ADPRS: variants seen among roughly 807,000 people sequenced by gnomAD.
ADPRS encodes ADP-ribosylserine hydrolase.
Under a neutral mutation model 32.1 loss-of-function variants are expected in ADPRS, and 25 were observed. The observed-to-expected ratio is 0.78, with a 90% CI of 0.57 to 1.09. The LOEUF is 1.09. Among genes scored for constraint, ADPRS ranks in the 50% least tolerant of loss-of-function variants. The pLI is 0.00. For missense variants in ADPRS, 482 were observed against 480.6 expected (o/e 1.00, Z -0.03); for synonymous variants, 225 against 201.0 (o/e 1.12, Z -1.01).
chr1:36,092,490 C>G lies in ADPRS; in HGVS notation c.770C>G (p.Ser257Trp). 1.2e-6 allele frequency: 2 copies of G among 1,614,156 alleles called. No homozygotes were observed. Among genetic ancestry groups the G allele is most frequent in the South Asian group, 2.2e-5 (2 of 91,076 alleles). ...ATTGGAGAGCTTCTAGACCAGGCAT[C>G]GGTGACCAGGGAGGAAGTGGTGTCT... is the stretch of plus-strand genomic sequence containing the variant. Reference protein sequence around the residue: ...KKIGELLDQASVTREEVVSEL... With the variant: ...KKIGELLDQAWVTREEVVSEL... Residue 257 changes from serine (S) to tryptophan (W), a missense_variant, in exon 5 of 6, where the codon TCG becomes TGG. By Grantham distance (177) the Ser-to-Trp change is radical. Coordinates refer to ENST00000373178, the MANE Select transcript of ADPRS (RefSeq NM_017825.3).
At position 36,093,906 on chromosome 1, in the gene ADPRS, G is replaced by A. The variant is rs376234523; in HGVS notation, c.*520G>A. 23 of 158,720 alleles carry A rather than the reference G, an allele frequency of 1.4e-4. 1 individual carries two copies. In the East Asian group the frequency reaches 1.5e-3, roughly 10 times the overall value. 9.8% of individuals were successfully genotyped at this position (158,720 alleles called of 1,614,324 possible). A position where few individuals can be genotyped will look rare whatever the true frequency, so the allele number is the denominator to read the frequency against. On this transcript the variant is annotated 3_prime_UTR_variant, in exon 6 of 6. Transcript: ENST00000373178. ...TTATTAACAGCTTCCAGTGGAAGTC[G>A]CAATAAACAGTTTTTGGTAAATCTC...
chr1:36,093,658 T>G lies in ADPRS; in HGVS notation c.*272T>G. ...GGACAGACAGACGCAGGCGGGTTTA[T>G]TTTGGAGGGGTACTTGTGGCATTTT... On this transcript the variant is annotated 3_prime_UTR_variant, in exon 6 of 6. Coordinates refer to ENST00000373178, the MANE Select transcript of ADPRS (RefSeq NM_017825.3). 1 of 449,734 alleles carries G rather than the reference T, an allele frequency of 2.2e-6. No individual in the cohort carries two copies. Among genetic ancestry groups the G allele is most frequent in the Non-Finnish European group, 4.0e-6 (1 of 249,326 alleles). 27.9% of individuals were successfully genotyped at this position (449,734 alleles called of 1,614,324 possible). A position where few individuals can be genotyped will look rare whatever the true frequency, so the allele number is the denominator to read the frequency against.
Position 36,089,089 on chromosome 1 carries a change from C to T in ADPRS, c.185C>T (p.Pro62Leu), listed in dbSNP as rs1421984340. ...LRHVQSLEPD[P>L]GTPGSERTEA... The stretch of plus-strand genomic sequence containing the variant: ...CATGTCCAGAGTCTGGAGCCGGACC[C>T]CGGCACGCCCGGGAGTGAGCGGACA... Residue 62 changes from proline (P) to leucine (L), a missense_variant, in exon 1 of 6, where the codon CCC becomes CTC. Coordinates refer to ENST00000373178, the MANE Select transcript of ADPRS (RefSeq NM_017825.3). 3.5e-6 allele frequency: 5 copies of T among 1,430,836 alleles called. No individual in the cohort carries two copies. The highest frequency in any genetic ancestry group is 3.2e-5 in the Admixed American group (1 of 31,668). 88.6% of individuals were successfully genotyped at this position (1,430,836 alleles called of 1,614,324 possible). A position where few individuals can be genotyped will look rare whatever the true frequency, so the allele number is the denominator to read the frequency against.
intron 1 of ADPRS, 48 bp from the exon 2 acceptor site, chr1:36,091,196 A>G (rs1413456478): frequency 6.4e-7 from 1 of 1,554,336 alleles, no homozygotes; most frequent in African/African-American, 1.4e-5. Context: ...AACAACAAAA[A>G]AAACAAAGGT....
chr1:36,091,675 T>A lies in ADPRS; in HGVS notation c.366T>A (p.Thr122=), dbSNP rs141349156. The part of the protein sequence containing the change: ...PDRGYGAGVV[T]VFKKLLNPKC... ...GGGGCTATGGTGCTGGAGTAGTCAC[T>A]GTCTTCAAGAAGCTCCTGAACCCCA... The change falls in exon 3 of 6, where the codon ACT becomes ACA. Residue 122 remains threonine, a synonymous_variant. Transcript: ENST00000373178. 6 of 1,613,620 alleles carry A rather than the reference T, an allele frequency of 3.7e-6. No individual in the cohort carries two copies. Among genetic ancestry groups the A allele is most frequent in the Non-Finnish European group, 5.1e-6 (6 of 1,179,850 alleles).
rs1220510286 is a variant in ADPRS at position 36,093,406 on chromosome 1, G to T, written c.*20G>T. 2 of 1,598,572 alleles carry T rather than the reference G, an allele frequency of 1.3e-6. No homozygotes were observed. The highest frequency in any genetic ancestry group is 1.7e-6 in the Non-Finnish European group (2 of 1,169,868). ...AGTTGATGAGGGCTACAGCTGTTGG[G>T]GCTCTGCCAGGTCCCCTGGGACCAA... On this transcript the variant is annotated 3_prime_UTR_variant, in exon 6 of 6. Transcript: ENST00000373178.
At position 36,093,913 on chromosome 1, in the gene ADPRS, A is replaced by G; in HGVS notation, c.*527A>G. 6.3e-6 allele frequency: 1 copy of G among 158,648 alleles called. No individual in the cohort carries two copies. The highest frequency in any genetic ancestry group is 1.4e-5 in the Non-Finnish European group (1 of 71,518). 9.8% of individuals were successfully genotyped at this position (158,648 alleles called of 1,614,324 possible). On this transcript the variant is annotated 3_prime_UTR_variant, in exon 6 of 6. Transcript: ENST00000373178. ...CAGCTTCCAGTGGAAGTCGCAATAA[A>G]CAGTTTTTGGTAAATCTCACCACTG...
chr1:36,091,796 G>T lies in ADPRS; in HGVS notation c.487G>T (p.Ala163Ser). The T allele has an allele frequency of 1.2e-6, 2 of 1,608,168 alleles. No homozygotes were observed. Among genetic ancestry groups the T allele is most frequent in the Non-Finnish European group, 1.7e-6 (2 of 1,175,872 alleles). The change falls in exon 3 of 6, where the codon GCC (alanine) becomes TCC (serine). Residue 163 changes from alanine (A) to serine (S), a missense_variant. Coordinates refer to ENST00000373178, the MANE Select transcript of ADPRS (RefSeq NM_017825.3). ...GAMRVAGISL[A>S]YSSVQDVQKF... The stretch of plus-strand genomic sequence containing the variant: ...CATGCGGGTGGCTGGCATCTCCCTG[G>T]CCTATAGCAGTGTCCAGGATGTGCA...
chr1:36,091,678 C>T lies in ADPRS; in HGVS notation c.369C>T (p.Val123=), dbSNP rs767149225. 3.1e-6 allele frequency: 5 copies of T among 1,613,780 alleles called. No individual in the cohort carries two copies. Among genetic ancestry groups the T allele is most frequent in the Non-Finnish European group, 4.2e-6 (5 of 1,179,878 alleles). Residue 123 remains valine (V), a synonymous_variant, in exon 3 of 6, where the codon GTC becomes GTT. Coordinates refer to ENST00000373178, the MANE Select transcript of ADPRS (RefSeq NM_017825.3). ...DRGYGAGVVT[V]FKKLLNPKCR... ...GCTATGGTGCTGGAGTAGTCACTGT[C>T]TTCAAGAAGCTCCTGAACCCCAAAT...
intron 1 of ADPRS, among the ~76,000 whole-genome samples, chr1:36,089,840 C>T (rs1195871356): frequency 6.6e-6 from 1 of 152,178 alleles, no homozygotes; most frequent in East Asian, 1.9e-4. Context: ...CATGCGCTGT[C>T]TCGCCTGTAA....
At chr1:36,090,978 C>T (rs1396425088) in intron 1 of ADPRS, among the ~76,000 whole-genome samples, 1 of 152,058 alleles carries the variant, frequency 6.6e-6, no homozygotes, top group Non-Finnish European at 1.5e-5. Context: ...CAAGACCAGT[C>T]TGGACAACAG....
In ADPRS at chr1:36,093,364, A is replaced by C. The variant is rs779798854; in HGVS notation, c.1070A>C (p.His357Pro). The C allele has an allele frequency of 6.2e-7, 1 of 1,613,868 alleles. No homozygotes were observed. Among genetic ancestry groups the C allele is most frequent in the East Asian group, 2.2e-5 (1 of 44,882 alleles). The change falls in exon 6 of 6, where the codon CAC becomes CCC. Residue 357 changes from histidine (H) to proline (P), a missense_variant. His to Pro is a moderately conservative substitution (Grantham distance 77, BLOSUM62 -2). Transcript: ENST00000373178. ...EETDILAQSL[H>P]RVFQKS ...ACAGACATCCTGGCCCAAAGCCTGC[A>C]CCGTGTCTTCCAGAAGAGTTGATGA...
intron 2 of ADPRS, 79 bp from the exon 3 acceptor site, chr1:36,091,539 A>G (rs527585458): frequency 4.9e-6 from 7 of 1,422,056 alleles, no homozygotes; most frequent in Admixed American, 4.4e-5. Flanking sequence ...TCTTTTTCCA[A>G]ACTAGCCTCG....
chr1:36,091,191 CAAA>C (rs899900878), intron 1 of ADPRS, 50 bp from the exon 2 acceptor site: 2 of 1,519,494 alleles, frequency 1.3e-6, no homozygotes, highest in Admixed American at 1.7e-5. Context: ...AAAACAACAA[CAAA>C]AAAAACAAAG....
chr1:36,089,150 G>T, intron 1 of ADPRS, 35 bp downstream of exon 1: 4 of 1,387,140 alleles, frequency 2.9e-6, no homozygotes, highest in Non-Finnish European at 3.7e-6. Context: ...GAGGCCGTGC[G>T]GGAGGGAGGC....
intron 2 of ADPRS, 60 bp downstream of exon 2, chr1:36,091,400 C>A: frequency 6.6e-7 from 1 of 1,505,544 alleles, no homozygotes; most frequent in Non-Finnish European, 9.2e-7. Context: ...CACCCCTTGA[C>A]CAGAGGAATG....
At position 36,093,094 on chromosome 1, in the gene ADPRS, C is replaced by G. The variant is rs1198703642; in HGVS notation, c.803-3C>G. On this transcript the variant is annotated splice_polypyrimidine_tract_variant and splice_region_variant and intron_variant, in intron 5 of 5. Transcript: ENST00000373178. ...CAGCCCCTCTAACCTGGCTTCCCCACAGGGAATGGCATTGCTGCCTTTGAG... is the reference window on the plus strand; with the variant it reads ...CAGCCCCTCTAACCTGGCTTCCCCAGAGGGAATGGCATTGCTGCCTTTGAG... 3.1e-6 allele frequency: 5 copies of G among 1,611,672 alleles called. No individual in the cohort carries two copies.
At chr1:36,092,298 T>G in intron 4 of ADPRS, 124 bp from the exon 5 acceptor site, 1 of 1,171,022 alleles carries the variant, frequency 8.5e-7, no homozygotes, top group Non-Finnish European at 1.2e-6. Flanking sequence ...CCACCTCTTG[T>G]CGGCACCTGT....
Position 36,093,375 on chromosome 1 carries a change from C to T in ADPRS, c.1081C>T (p.Gln361Ter). 6.2e-7 allele frequency: 1 copy of T among 1,612,976 alleles called. No individual in the cohort carries two copies. Among genetic ancestry groups the T allele is most frequent in the Non-Finnish European group, 8.5e-7 (1 of 1,179,142 alleles). The part of the protein sequence containing the change: ...ILAQSLHRVF[Q>*]KS ...GGCCCAAAGCCTGCACCGTGTCTTCCAGAAGAGTTGATGAGGGCTACAGCT... is the reference window on the plus strand; with the variant it reads ...GGCCCAAAGCCTGCACCGTGTCTTCTAGAAGAGTTGATGAGGGCTACAGCT... Residue 361 changes from glutamine to a stop codon, truncating the protein, a stop_gained, in exon 6 of 6, where the codon CAG (glutamine) becomes TAG (stop). Transcript: ENST00000373178. LOFTEE classifies it high-confidence loss of function.
Sources: gnomAD v4.1 joint callset for allele counts (sites outside exome capture counted in the v4.1 genomes callset) on GRCh38, gnomAD v4.1.1 for gene constraint, MANE v1.5 for transcripts, NCBI Gene and HGNC (gene_info 2026-07-23, HGNC 2026-07-21) for gene names.